Variants in SEMA4D observed in about 807,000 individuals in gnomAD.
SEMA4D encodes semaphorin 4D, also known as semaphorin-4D.
Under a neutral mutation model 74.8 loss-of-function variants are expected in SEMA4D, and 22 were observed. The observed-to-expected ratio is 0.29, with a 90% CI of 0.21 to 0.42. The LOEUF is 0.42. Among genes scored for constraint, SEMA4D ranks in the 10% least tolerant of loss-of-function variants. SEMA4D has a pLI of 1.00. For missense variants in SEMA4D, 937 were observed against 1,118.4 expected (o/e 0.84, Z 2.31); for synonymous variants, 445 against 463.7 (o/e 0.96, Z 0.52).
chr9:89,448,190 G>A (rs960053462), intron 2 of SEMA4D, among the ~76,000 whole-genome samples: 27 of 152,104 alleles, frequency 1.8e-4, no homozygotes, highest in African/African-American at 6.0e-4. Context: ...TGCCCAGGCT[G>A]GTCTCAAACT....
At chr9:89,469,023 C>G (rs1196745791) in intron 1 of SEMA4D, among the ~76,000 whole-genome samples, 3 of 152,306 alleles carry the variant, frequency 2.0e-5, no homozygotes, top group East Asian at 3.9e-4. Flanking sequence ...TGGTTCCACA[C>G]AGAGGCTGCA....
At chr9:89,387,722 A>G (rs968406437) in intron 11 of SEMA4D, 114 bp from the exon 12 acceptor site, 2 of 786,610 alleles carry the variant, frequency 2.5e-6, no homozygotes, top group African/African-American at 1.7e-5. Flanking sequence ...CACACAATGC[A>G]TGCCTTGAAA....
chr9:89,368,952 G>A (rs1834115153), intron 16 of SEMA4D: 1 of 152,270 alleles, frequency 6.6e-6, no homozygotes, highest in Non-Finnish European at 1.5e-5. Flanking sequence ...CAGACCCCAG[G>A]TAACCAGACA....
chr9:89,391,859 C>CT (rs1240150497), intron 8 of SEMA4D, among the ~76,000 whole-genome samples: 1 of 152,276 alleles, frequency 6.6e-6, no homozygotes, highest in Non-Finnish European at 1.5e-5. Flanking sequence ...GTCCCTGAAT[C>CT]TGGGGTCTTG....
At chr9:89,433,244 G>A (rs1204647774) in intron 2 of SEMA4D, among the ~76,000 whole-genome samples, 9 of 152,218 alleles carry the variant, frequency 5.9e-5, no homozygotes, top group Non-Finnish European at 1.3e-4. Flanking sequence ...AGGCTGCCAC[G>A]AGTCCCCCAT....
rs765789112 is a variant in SEMA4D, at chr9:89,396,852, T to C, written c.316-17A>G. 1 of 1,607,534 alleles carries C rather than the reference T, an allele frequency of 6.2e-7. No individual in the cohort carries two copies. The highest frequency in any genetic ancestry group is 8.5e-7 in the Non-Finnish European group (1 of 1,176,058). On this transcript the variant is annotated splice_polypyrimidine_tract_variant and intron_variant, in intron 5 of 15. Transcript: ENST00000422704. ...GCACTCTGTCTGCAGGGAAGAGAAA[T>C]GCACCATTAGCAACCGTCCAGCCCA...
intron 12 of SEMA4D, among the ~76,000 whole-genome samples, chr9:89,386,984 A>G (rs1434089209): frequency 6.6e-6 from 1 of 152,140 alleles, no homozygotes; most frequent in African/African-American, 2.4e-5. Context: ...CACATCTAAA[A>G]CCTGGCTCCT....
chr9:89,382,621 T>C (rs1239813528), intron 13 of SEMA4D, among the ~76,000 whole-genome samples: 2 of 152,204 alleles, frequency 1.3e-5, no homozygotes, highest in Non-Finnish European at 2.9e-5. Flanking sequence ...GATGAGGCCA[T>C]GTGTGAGCCA....
chr9:89,456,187 A>T (rs1855888394), intron 1 of SEMA4D, among the ~76,000 whole-genome samples: 1 of 152,208 alleles, frequency 6.6e-6, no homozygotes, highest in Non-Finnish European at 1.5e-5. Flanking sequence ...GGAGGGAGGC[A>T]TCATCTGCAC....
chr9:89,406,063 G>A (rs1197732101), intron 2 of SEMA4D: 2 of 443,896 alleles, frequency 4.5e-6, no homozygotes, highest in Non-Finnish European at 6.1e-6. Context: ...AATGAAGGAA[G>A]AGAACTCGGG....
At chr9:89,443,628 C>G (rs1297182233) in intron 2 of SEMA4D, among the ~76,000 whole-genome samples, 1 of 152,216 alleles carries the variant, frequency 6.6e-6, no homozygotes, top group Non-Finnish European at 1.5e-5. Flanking sequence ...TCAGCTGCAC[C>G]CCACCCCATG....
At chr9:89,437,159 G>GGGCT (rs1274654821) in intron 2 of SEMA4D, among the ~76,000 whole-genome samples, 1 of 152,204 alleles carries the variant, frequency 6.6e-6, no homozygotes, top group Non-Finnish European at 1.5e-5. Flanking sequence ...CTTTTGTTAG[G>GGGCT]GGCTGCAGGG....
At chr9:89,437,943 AC>A (rs1354667739) in intron 2 of SEMA4D, among the ~76,000 whole-genome samples, 2 of 152,250 alleles carry the variant, frequency 1.3e-5, no homozygotes, top group Non-Finnish European at 2.9e-5. Flanking sequence ...GCTAACATGC[AC>A]AGTGCCATCT....
intron 1 of SEMA4D, among the ~76,000 whole-genome samples, chr9:89,481,054 C>CCT (rs1338253057): frequency 6.6e-6 from 1 of 152,254 alleles, no homozygotes; most frequent in East Asian, 1.9e-4. Context: ...CAACCCCCAA[C>CCT]CTCTCACTGC....
At chr9:89,416,001 T>C (rs1845629486) in intron 2 of SEMA4D, among the ~76,000 whole-genome samples, 1 of 152,204 alleles carries the variant, frequency 6.6e-6, no homozygotes, top group South Asian at 2.1e-4. Context: ...TGGACTTTAT[T>C]TGTATTCTTA....
At position 89,464,192 on chromosome 9, in the gene SEMA4D, G is replaced by C. The variant is rs145246936; in HGVS notation, c.-309-8239C>G. 7.0e-3 allele frequency among the ~76,000 whole-genome samples: 1,063 copies of C among 152,224 alleles called. 3 individuals carry two copies. The highest frequency in any genetic ancestry group is 0.011 in the Non-Finnish European group (756 of 68,020). On this transcript the variant is annotated intron_variant, in intron 1 of 15. Coordinates refer to ENST00000422704, the MANE Select transcript of SEMA4D (RefSeq NM_001371194.2). ...TCCTCTCTTCTCTCAGATGCACTAC[G>C]CTCTCAGGGACCAAGGACACTTTGT...
At chr9:89,417,328 T>C (rs558535602) in intron 2 of SEMA4D, among the ~76,000 whole-genome samples, 5 of 152,354 alleles carry the variant, frequency 3.3e-5, no homozygotes, top group African/African-American at 9.6e-5. Flanking sequence ...CAGAAAGTGC[T>C]GTCTCCCTGG....
chr9:89,385,872 C>CCCCCCCCCCCCCCCCCA, intron 13 of SEMA4D: 1 of 155,878 alleles, frequency 6.4e-6, no homozygotes, highest in Non-Finnish European at 1.3e-5. Context: ...GGATGCCCGC[C>CCCCCCCCCCCCCCCCCA]CACCCACCCC....
chr9:89,451,798 ATATTT>A (rs912611773), intron 2 of SEMA4D, among the ~76,000 whole-genome samples: 2 of 152,244 alleles, frequency 1.3e-5, no homozygotes, highest in Admixed American at 1.3e-4. Context: ...CTTTAGTAAT[ATATTT>A]TATCTAACCC....
Sources: allele counts gnomAD v4.1 joint callset (sites outside exome capture counted in the v4.1 genomes callset), GRCh38; gene constraint gnomAD v4.1.1; transcripts MANE v1.5; gene names NCBI Gene and HGNC (gene_info 2026-07-23, HGNC 2026-07-21).